GNE: variants seen among roughly 807,000 people sequenced by gnomAD.
The protein encoded by GNE is bifunctional UDP-N-acetylglucosamine 2-epimerase/N-acetylmannosamine kinase.
In GNE, 41 loss-of-function variants were observed where a neutral mutation model predicts 61.8. The ratio of observed to expected loss-of-function variants is 0.66; its 90% CI spans 0.52 to 0.86. The LOEUF (loss-of-function observed/expected upper bound fraction) is 0.86. Among genes scored for constraint, GNE ranks in the 40% least tolerant of loss-of-function variants. The pLI, the probability that GNE is intolerant of heterozygous loss-of-function variation, is 0.00. For synonymous variants in GNE, 264 were observed against 326.4 expected (o/e 0.81, Z 2.06); for missense variants, 608 against 909.1 (o/e 0.67, Z 4.26).
At chr9:36,257,065 A>T (rs185350570) in intron 1 of GNE, among the ~76,000 whole-genome samples, 1 of 152,090 alleles carries the variant, frequency 6.6e-6, no homozygotes, top group Admixed American at 6.6e-5. Flanking sequence ...TTAACCGAGC[A>T]TGGTGGCAGG....
chr9:36,231,990 A>G (rs1377166139), intron 5 of GNE, among the ~76,000 whole-genome samples: 3 of 152,170 alleles, frequency 2.0e-5, no homozygotes, highest in African/African-American at 7.2e-5. Context: ...TCAGAAATCT[A>G]GGCTGTAATG....
chr9:36,253,272 A>G (rs1587355393), intron 1 of GNE, among the ~76,000 whole-genome samples: 1 of 151,778 alleles, frequency 6.6e-6, no homozygotes, highest in African/African-American at 2.4e-5. Flanking sequence ...TGTTGGGGCA[A>G]AGCTTACTTT....
chr9:36,246,629 G>C (rs1829887117), intron 2 of GNE, 147 bp from the exon 3 acceptor site: 30 of 475,876 alleles, frequency 6.3e-5, no homozygotes, highest in East Asian at 2.4e-4. Context: ...AAAAAGCATA[G>C]ACCATAAGTG....
chr9:36,257,320 A>C (rs1389847799), intron 1 of GNE, among the ~76,000 whole-genome samples: 1 of 152,096 alleles, frequency 6.6e-6, no homozygotes, highest in East Asian at 1.9e-4. Context: ...AAGGAATAAG[A>C]AGGAAAGAGC....
rs372654811 is a variant in GNE, at chr9:36,276,794, C to G, written c.51+100G>C. On this transcript the variant is annotated intron_variant, in intron 1 of 11. Transcript: ENST00000396594. ...AATGATGGATTTGATAGATTTAAAACCAAAGCTTTCCTCTTCCTCTTTGTA... is the reference window on the plus strand; with the variant it reads ...AATGATGGATTTGATAGATTTAAAAGCAAAGCTTTCCTCTTCCTCTTTGTA... 9 of 917,986 alleles carry G rather than the reference C, an allele frequency of 9.8e-6. No homozygotes were observed. The African/African-American group carries it at 1.4e-4, about 14-fold the overall frequency. 56.9% of individuals were successfully genotyped at this position (917,986 alleles called of 1,614,324 possible). A position where few individuals can be genotyped will look rare whatever the true frequency, so the allele number is the denominator to read the frequency against.
chr9:36,258,169 T>C lies in GNE; in HGVS notation c.-43+152A>G, dbSNP rs1031882750. ...GCCCTATGGTGAGGCCTGCAGGACA[T>C]TGGGCGAGAGCCGGGTCCAGTGTGG... On this transcript the variant is annotated intron_variant, in intron 1 of 11. Coordinates refer to ENST00000642385, the MANE Select transcript of GNE (RefSeq NM_005476.7). Among the ~76,000 whole-genome samples the C allele has an allele frequency of 2.4e-4, 36 of 152,252 alleles. 1 individual carries two copies. The highest frequency in any genetic ancestry group is 5.1e-4 in the African/African-American group (21 of 41,568).
intron 2 of GNE, among the ~76,000 whole-genome samples, chr9:36,247,458 G>C (rs547069081): frequency 1.3e-5 from 2 of 152,256 alleles, no homozygotes; most frequent in African/African-American, 4.8e-5. Context: ...TCTTGTGTTA[G>C]AATGTACCTT....
In GNE at chr9:36,222,901, G is replaced by T. The variant is rs141172610; in HGVS notation, c.1509C>A (p.Pro503=). The T allele has an allele frequency of 6.2e-7, 1 of 1,614,160 alleles. No homozygotes were observed. The highest frequency in any genetic ancestry group is 8.5e-7 in the Non-Finnish European group (1 of 1,180,008). ...QEWNSVDLRT[P]LSDTLHLPVW... ...CAGGGAGATGCAAAGTGTCAGAAAGGGGGGTCCTAAGGTCCACAGAGTTCC... is the reference window on the plus strand; with the variant it reads ...CAGGGAGATGCAAAGTGTCAGAAAGTGGGGTCCTAAGGTCCACAGAGTTCC... Residue 503 remains proline, a synonymous_variant, in exon 9 of 12, where the codon CCC becomes CCA. Transcript: ENST00000642385.
intron 1 of GNE, among the ~76,000 whole-genome samples, chr9:36,254,920 C>G (rs968572663): frequency 1.1e-4 from 16 of 152,116 alleles, no homozygotes; most frequent in African/African-American, 3.9e-4. Flanking sequence ...CCACTGCACT[C>G]CAGCCTGGGC....
At chr9:36,243,241 C>T (rs13301078) in intron 3 of GNE, among the ~76,000 whole-genome samples, 1 of 152,134 alleles carries the variant, frequency 6.6e-6, no homozygotes, top group South Asian at 2.1e-4. Flanking sequence ...GACAGAGTTT[C>T]ACCACGTTGC....
chr9:36,265,078 G>A, intron 1 of GNE: 1 of 305,846 alleles, frequency 3.3e-6, no homozygotes, highest in East Asian at 8.0e-5. Flanking sequence ...ATCTGGCAGG[G>A]TGTCTGCTGT....
chr9:36,236,567 G>A (rs1226314995), intron 4 of GNE, among the ~76,000 whole-genome samples: 1 of 152,190 alleles, frequency 6.6e-6, no homozygotes, highest in African/African-American at 2.4e-5. Flanking sequence ...GTGGAAACTG[G>A]AGGGAAAATA....
intron 2 of GNE, 84 bp from the exon 3 acceptor site, chr9:36,246,566 C>T: frequency 1.2e-6 from 1 of 819,360 alleles, no homozygotes; most frequent in East Asian, 2.5e-5. Context: ...CTAACACCAA[C>T]TCTGAAGTGA....
intron 8 of GNE, 111 bp from the exon 9 acceptor site, chr9:36,223,109 C>A: frequency 2.0e-6 from 2 of 1,023,088 alleles, no homozygotes; most frequent in South Asian, 2.6e-5. Context: ...TCTCCTAAGA[C>A]AAACGTTACC....
At chr9:36,230,737 G>A (rs889780307) in intron 5 of GNE, among the ~76,000 whole-genome samples, 1 of 149,364 alleles carries the variant, frequency 6.7e-6, no homozygotes, top group African/African-American at 2.5e-5. Context: ...TTGGCTCACT[G>A]CAAGTTCCGC....
Position 36,240,608 on chromosome 9 carries a change from G to T in GNE, c.617-3624C>A, listed in dbSNP as rs1272289532. On this transcript the variant is annotated intron_variant, in intron 3 of 11. Coordinates refer to ENST00000642385, the MANE Select transcript of GNE (RefSeq NM_005476.7). ...CTATGTTCATCAAGGATATTGGCCT[G>T]TTGTTTTTTTTGTTATGTCCTTTCC... 3.9e-5 allele frequency among the ~76,000 whole-genome samples: 6 copies of T among 152,126 alleles called. No individual in the cohort carries two copies. The South Asian group carries it at 1.2e-3, about 32-fold the overall frequency.
At chr9:36,261,552 CAAA>C (rs566779282), upstream of GNE, among the ~76,000 whole-genome samples, 3 of 88,316 alleles carry the variant, frequency 3.4e-5, no homozygotes, top group Non-Finnish European at 4.9e-5. Flanking sequence ...GACTCCGTCT[CAAA>C]AAAAAAAAAA....
chr9:36,243,117 T>C (rs1423213307), intron 3 of GNE, among the ~76,000 whole-genome samples: 1 of 152,090 alleles, frequency 6.6e-6, no homozygotes, highest in East Asian at 1.9e-4. Flanking sequence ...CAATCATGGC[T>C]CACTTCAGTC....
At chr9:36,274,815 CGGGT>C (rs1239173299) in intron 1 of GNE, among the ~76,000 whole-genome samples, 1 of 136,640 alleles carries the variant, frequency 7.3e-6, no homozygotes, top group Admixed American at 7.4e-5. Context: ...CTCCGCCTCC[CGGGT>C]TCACGCCATT....
Sources: gnomAD v4.1 joint callset for allele counts (sites outside exome capture counted in the v4.1 genomes callset) on GRCh38, gnomAD v4.1.1 for gene constraint, MANE v1.5 for transcripts, NCBI Gene and HGNC (gene_info 2026-07-23, HGNC 2026-07-21) for gene names.